ASGR2: variants seen among roughly 807,000 people sequenced by gnomAD.
ASGR2 encodes C-type lectin domain family 4 member H2.
In ASGR2, 34 loss-of-function variants were observed where a neutral mutation model predicts 32.3. That is an observed-to-expected ratio of 1.05 (90% CI 0.80 to 1.40). The LOEUF (loss-of-function observed/expected upper bound fraction) is 1.40, where lower values mean the gene tolerates loss of function less well. ASGR2 is among the 40% of genes most tolerant of loss of function. ASGR2 has a pLI of 0.00. For missense variants in ASGR2, 385 were observed against 386.4 expected, an observed-to-expected ratio of 1.00 and a Z score of 0.03; for synonymous variants, 143 against 150.0, an observed-to-expected ratio of 0.95 and a Z score of 0.34.
rs1279190353 is a variant in ASGR2 at position 7,114,059 on chromosome 17, C to G, written c.124+58G>C. 8 of 1,606,412 alleles carry G rather than the reference C, an allele frequency of 5.0e-6. No individual in the cohort carries two copies. The highest frequency in any genetic ancestry group is 1.7e-5 in the Admixed American group (1 of 59,760). On this transcript the variant is annotated intron_variant, in intron 2 of 8. Transcript: ENST00000691900. The surrounding 1 kb of genome is among the most constrained non-coding windows in gnomAD (Gnocchi z 4.5). ...GGGTGCGGCAGAGACCTCAAAGGGA[C>G]AGAGCAATCATGAGCTGAGACAGAG...
Position 7,107,006 on chromosome 17 carries a change from C to T in ASGR2, c.642G>A (p.Glu214=), listed in dbSNP as rs532325332. The T allele has an allele frequency of 2.0e-5, 32 of 1,614,174 alleles. No homozygotes were observed. In the East Asian group the frequency reaches 6.9e-4, roughly 35 times the overall value. ...GTGGGAAGCGTGGCCTCACCTGCTC[C>T]TCCCAGGAGTTGATGACCACCAGGT... is the stretch of plus-strand genomic sequence containing the variant. ...NAHLVVINSW[E]EQKFIVQHTN... is the part of the protein sequence containing the mutation. The change falls in exon 7 of 9, where the codon GAG becomes GAA. Residue 214 remains glutamate, a synonymous_variant. Transcript: ENST00000691900. This position sits in a 1 kb window ranked among gnomAD's most constrained non-coding sequence, Gnocchi z 5.0.
At chr17:7,102,636 G>A (rs76307088) in intron 7 of ASGR2, among the ~76,000 whole-genome samples, 2 of 152,204 alleles carry the variant, frequency 1.3e-5, no homozygotes, top group East Asian at 3.9e-4. Context: ...CGAACTCCTG[G>A]GATCCCGACC....
At position 7,114,265 on chromosome 17, in the gene ASGR2, G is replaced by GCTGGAC; in HGVS notation, c.-26_-25insGTCCAG. 1 of 1,612,808 alleles carries GCTGGAC rather than the reference G, an allele frequency of 6.2e-7. No individual in the cohort carries two copies. The highest frequency in any genetic ancestry group is 1.1e-5 in the South Asian group (1 of 90,990). On this transcript the variant is annotated 5_prime_UTR_variant, in exon 2 of 9. Transcript: ENST00000691900. This position sits in a 1 kb window ranked among gnomAD's most constrained non-coding sequence, Gnocchi z 4.5. ...TGATGGGGCCCGGGCTGGAGCTGGA[G>GCTGGAC]CTGGAGCTGGGCTGGGCTGGGCTGA...
In ASGR2 at chr17:7,107,704, T is replaced by TA. The variant is rs1260642505; in HGVS notation, c.409+131dup. 9.1e-7 allele frequency: 1 copy of TA among 1,103,936 alleles called. No individual in the cohort carries two copies. Among genetic ancestry groups the TA allele is most frequent in the East Asian group, 2.7e-5 (1 of 36,512 alleles). The allele number at this position is 1,103,936 out of a possible 1,614,324, so 68.4% of individuals were successfully genotyped here. On this transcript the variant is annotated intron_variant, in intron 5 of 8. Coordinates refer to ENST00000691900, the MANE Select transcript of ASGR2 (RefSeq NM_001201352.2). This position sits in a 1 kb window ranked among gnomAD's most constrained non-coding sequence, Gnocchi z 5.0. ...CCACACATACGGAGAGAGACACAGA[T>TA]ACACATGCTTGCAGGCACACACACG... is the stretch of plus-strand genomic sequence containing the variant.
chr17:7,103,078 C>A (rs1370600504), intron 7 of ASGR2, among the ~76,000 whole-genome samples: 1 of 152,180 alleles, frequency 6.6e-6, no homozygotes, highest in African/African-American at 2.4e-5. Flanking sequence ...GTGTGGTCAC[C>A]TGGTTTTGTG....
At chr17:7,109,288 G>A (rs1329187329) in intron 2 of ASGR2, among the ~76,000 whole-genome samples, 1 of 152,082 alleles carries the variant, frequency 6.6e-6, no homozygotes, top group East Asian at 1.9e-4. Context: ...CATCCAGCCA[G>A]TGGCAGAGGC....
At position 7,101,536 on chromosome 17, in the gene ASGR2, G is replaced by T. The variant is rs1369416986; in HGVS notation, c.*39C>A. ...TCCTCAACAGAGAAGCCAGAGCTGG[G>T]CAGGTGTGGGGTATGGGTTAGCCAG... On this transcript the variant is annotated 3_prime_UTR_variant, in exon 9 of 9. Transcript: ENST00000691900. The T allele has an allele frequency of 1.9e-6, 3 of 1,595,772 alleles. No individual in the cohort carries two copies. The highest frequency in any genetic ancestry group is 2.2e-5 in the South Asian group (2 of 89,420).
intron 2 of ASGR2, among the ~76,000 whole-genome samples, chr17:7,112,059 G>A (rs1406021976): frequency 9.4e-6 from 1 of 105,882 alleles, no homozygotes; most frequent in Admixed American, 9.5e-5. Flanking sequence ...GAGGGGAAGC[G>A]AGGGAAGGAA....
At chr17:7,109,078 T>C (rs1383325317) in intron 2 of ASGR2, among the ~76,000 whole-genome samples, 190 bp from the exon 3 acceptor site, 1 of 151,902 alleles carries the variant, frequency 6.6e-6, no homozygotes, top group Non-Finnish European at 1.5e-5. Context: ...CGCACCCATA[T>C]TACCATGTAT....
At chr17:7,115,027 C>G (rs887243838), upstream of ASGR2, 21 of 983,724 alleles carry the variant, frequency 2.1e-5, no homozygotes, top group African/African-American at 3.5e-5. This position sits in a 1 kb window ranked among gnomAD's most constrained non-coding sequence, Gnocchi z 4.2. Context: ...TCTCCCTCCC[C>G]CTCTCACTTC....
chr17:7,106,979 C>T, intron 7 of ASGR2, 21 bp downstream of exon 7: 1 of 1,613,810 alleles, frequency 6.2e-7, no homozygotes, highest in South Asian at 1.1e-5. Flanking sequence ...TTCCTCCTGC[C>T]TGTGGGAAGC....
In ASGR2 at chr17:7,107,379, C is replaced by T. The variant is rs901094334; in HGVS notation, c.410-62G>A. 7.7e-5 allele frequency: 121 copies of T among 1,565,548 alleles called. No homozygotes were observed. The highest frequency in any genetic ancestry group is 1.0e-4 in the Non-Finnish European group (117 of 1,152,042). On this transcript the variant is annotated intron_variant, in intron 5 of 8. Coordinates refer to ENST00000691900, the MANE Select transcript of ASGR2 (RefSeq NM_001201352.2). The surrounding 1 kb of genome is among the most constrained non-coding windows in gnomAD (Gnocchi z 5.0). ...TGGTCCCCACCTGCTAGGCTCCAGC[C>T]TGTGGCTGGGGAAGCATATACACCC...
chr17:7,110,964 G>A (rs992040132), intron 2 of ASGR2, among the ~76,000 whole-genome samples: 1 of 152,220 alleles, frequency 6.6e-6, no homozygotes, highest in African/African-American at 2.4e-5. Context: ...CCACGTTGAG[G>A]AGATGGAGCT....
At chr17:7,115,008 G>T, upstream of ASGR2, 1 of 985,854 alleles carries the variant, frequency 1.0e-6, no homozygotes, top group Non-Finnish European at 1.2e-6. The surrounding 1 kb of genome is among the most constrained non-coding windows in gnomAD (Gnocchi z 4.2). Context: ...GCAGTTTGCC[G>T]TTTCCCTCTC....
chr17:7,108,906 C>T lies in ASGR2; in HGVS notation c.125-18G>A, dbSNP rs1597387579. 1 of 1,556,476 alleles carries T rather than the reference C, an allele frequency of 6.4e-7. No individual in the cohort carries two copies. Among genetic ancestry groups the T allele is most frequent in the African/African-American group, 1.4e-5 (1 of 72,542 alleles). On this transcript the variant is annotated intron_variant, in intron 2 of 8. Coordinates refer to ENST00000691900, the MANE Select transcript of ASGR2 (RefSeq NM_001201352.2). The surrounding 1 kb of genome is among the most constrained non-coding windows in gnomAD (Gnocchi z 4.9). ...AGGTGGCCCTGTGGGAGAGGGGCAT[C>T]AGGAGCCGGCAGCCTGGGTGTGGGG...
In ASGR2 at chr17:7,107,768, TACACACTACACACAC is replaced by T; in HGVS notation, c.409+53_409+67del. 1.1e-6 allele frequency: 1 copy of T among 951,186 alleles called. No homozygotes were observed. Among genetic ancestry groups the T allele is most frequent in the Non-Finnish European group, 1.5e-6 (1 of 666,854 alleles). The allele number at this position is 951,186 out of a possible 1,614,324, so 58.9% of individuals were successfully genotyped here. A position where few individuals can be genotyped will look rare whatever the true frequency, so the allele number is the denominator to read the frequency against. ...GTGCACACTACACACACCGCACACG[TACACACTACACACAC>T]CGCACACGTACACATGCACGCACAT... On this transcript the variant is annotated intron_variant, in intron 5 of 8. Coordinates refer to ENST00000691900, the MANE Select transcript of ASGR2 (RefSeq NM_001201352.2). The surrounding 1 kb of genome is among the most constrained non-coding windows in gnomAD (Gnocchi z 5.0).
At position 7,101,626 on chromosome 17, in the gene ASGR2, C is replaced by T. The variant is rs772838540; in HGVS notation, c.870G>A (p.Val290=). Residue 290 remains valine, a synonymous_variant, in exon 9 of 9, where the codon GTG becomes GTA. Transcript: ENST00000691900. ...GRWNDDFCLQ[V]YRWVCEKRRN... is the part of the protein sequence containing the mutation. ...GCCTTTTCTCACACACCCAGCGGTA[C>T]ACCTGCAGGCAGAAGTCATCGTTCC... is the stretch of plus-strand genomic sequence containing the variant. 5.8e-5 allele frequency: 93 copies of T among 1,614,096 alleles called. No individual in the cohort carries two copies. The highest frequency in any genetic ancestry group is 7.6e-5 in the Non-Finnish European group (90 of 1,180,046).
In ASGR2 at chr17:7,113,639, A is replaced by G. The variant is rs1325989421; in HGVS notation, c.124+478T>C. ...CACACATGCACAAGATACACACACA[A>G]CACACAACATACACTCACACACAAG... On this transcript the variant is annotated intron_variant, in intron 2 of 8. Coordinates refer to ENST00000691900, the MANE Select transcript of ASGR2 (RefSeq NM_001201352.2). This position sits in a 1 kb window ranked among gnomAD's most constrained non-coding sequence, Gnocchi z 5.1. Among the ~76,000 whole-genome samples, 1 of 151,690 alleles carries G rather than the reference A, an allele frequency of 6.6e-6. No individual in the cohort carries two copies. Among genetic ancestry groups the G allele is most frequent in the Non-Finnish European group, 1.5e-5 (1 of 67,892 alleles).
At position 7,101,621 on chromosome 17, in the gene ASGR2, C is replaced by T. The variant is rs1001577867; in HGVS notation, c.875G>A (p.Arg292His). The change falls in exon 9 of 9, where the codon CGC (arginine) becomes CAC (histidine). Residue 292 changes from arginine to histidine, a missense_variant. Physicochemically the swap from Arg to His is conservative, Grantham distance 29 (BLOSUM62 0). Coordinates refer to ENST00000691900, the MANE Select transcript of ASGR2 (RefSeq NM_001201352.2). ...WNDDFCLQVY[R>H]WVCEKRRNAT... ...ATTCCGCCTTTTCTCACACACCCAG[C>T]GGTACACCTGCAGGCAGAAGTCATC... 13 of 1,614,066 alleles carry T rather than the reference C, an allele frequency of 8.1e-6. No homozygotes were observed. The highest frequency in any genetic ancestry group is 2.7e-5 in the African/African-American group (2 of 74,938).
Sources: gnomAD v4.1 joint callset for allele counts (sites outside exome capture counted in the v4.1 genomes callset) on GRCh38, gnomAD v4.1.1 for gene constraint, Gnocchi (gnomAD v3.1) non-coding constraint, MANE v1.5 for transcripts, NCBI Gene and HGNC (gene_info 2026-07-23, HGNC 2026-07-21) for gene names.